Variants in ANXA8 observed in about 807,000 individuals in gnomAD.
The protein encoded by ANXA8 is annexin A8, also known as VAC-beta.
ANXA8 carries 9 observed loss-of-function variants against 26.8 expected under a neutral mutation model. That is an observed-to-expected ratio of 0.34 (90% CI 0.20 to 0.59). The LOEUF (loss-of-function observed/expected upper bound fraction) is 0.59. Among genes scored for constraint, ANXA8 ranks in the 20% least tolerant of loss-of-function variants. The probability of loss-of-function intolerance (pLI) is 0.84; values close to 1 mark genes in which losing one functional copy is unlikely to be tolerated. For missense variants in ANXA8, 83 were observed against 238.5 expected (o/e 0.35, Z 4.29); for synonymous variants, 39 against 94.8 (o/e 0.41, Z 3.42).
At chr10:47,954,100 T>C in the ANXA8 span, among the ~76,000 whole-genome samples, 1 of 150,924 alleles carries the variant, frequency 6.6e-6, no homozygotes, top group Non-Finnish European at 1.5e-5. Flanking sequence ...TCCATGTTTA[T>C]TGCAACACTA....
the ANXA8 span, among the ~76,000 whole-genome samples, chr10:47,562,868 A>C: frequency 6.6e-6 from 1 of 150,960 alleles, no homozygotes; most frequent in Non-Finnish European, 1.5e-5. Flanking sequence ...TGAAGCCAAA[A>C]CCTCAGTTTA....
the ANXA8 span, among the ~76,000 whole-genome samples, chr10:47,703,159 C>G: frequency 6.6e-6 from 1 of 151,644 alleles, no homozygotes; most frequent in Non-Finnish European, 1.5e-5. Context: ...AAAATCTTTA[C>G]AAATCCTTAC....
the ANXA8 span, among the ~76,000 whole-genome samples, chr10:47,614,554 C>G: frequency 1.5e-5 from 1 of 64,758 alleles, no homozygotes; most frequent in Non-Finnish European, 3.9e-5. Context: ...TATGGATTAT[C>G]TAGTATACTC....
the ANXA8 span, among the ~76,000 whole-genome samples, chr10:47,560,452 T>C: frequency 6.6e-6 from 1 of 151,668 alleles, no homozygotes; most frequent in Admixed American, 6.6e-5. Context: ...TGAATTTATG[T>C]AGAAGTAATG....
chr10:47,991,557 G>A, the ANXA8 span: 2 of 1,594,006 alleles, frequency 1.3e-6, no homozygotes, highest in South Asian at 2.2e-5. Context: ...CTTGGCCCAG[G>A]AGGCAGCCAA....
At chr10:47,527,939 G>C in the ANXA8 span, among the ~76,000 whole-genome samples, 1 of 149,218 alleles carries the variant, frequency 6.7e-6, no homozygotes. Flanking sequence ...AGGCACAGGT[G>C]CGTGCAATCC....
the ANXA8 span, among the ~76,000 whole-genome samples, chr10:47,500,783 G>C: frequency 8.4e-6 from 1 of 119,238 alleles, no homozygotes; most frequent in Non-Finnish European, 1.7e-5. Context: ...GCCCAGGCCA[G>C]AGTGCAGTGG....
chr10:47,485,142 C>T (rs1840010638), upstream of ANXA8, among the ~76,000 whole-genome samples: 1 of 152,016 alleles, frequency 6.6e-6, no homozygotes, highest in Non-Finnish European at 1.5e-5. Flanking sequence ...CAGATGTCAC[C>T]TCCATATTGT....
chr10:47,559,566 G>A, the ANXA8 span, among the ~76,000 whole-genome samples: 1 of 151,958 alleles, frequency 6.6e-6, no homozygotes, highest in East Asian at 1.9e-4. Context: ...GGTACATTGT[G>A]TCTTATTGGA....
the ANXA8 span, among the ~76,000 whole-genome samples, chr10:47,954,698 A>G: frequency 1.3e-5 from 2 of 148,664 alleles, no homozygotes; most frequent in South Asian, 2.1e-4. Context: ...ACCCATAAAA[A>G]TAAAAAAAAA....
chr10:47,639,316 T>TATTATTATTA, the ANXA8 span, among the ~76,000 whole-genome samples: 4 of 88,138 alleles, frequency 4.5e-5, no homozygotes, highest in Non-Finnish European at 6.8e-5. Context: ...TTATTATTAT[T>TATTATTATTA]TTTTTTTTTT....
the ANXA8 span, among the ~76,000 whole-genome samples, chr10:47,521,818 T>C: frequency 6.6e-6 from 1 of 151,196 alleles, no homozygotes; most frequent in Non-Finnish European, 1.5e-5. Flanking sequence ...TCTCGCTCTG[T>C]CACCCAGCCT....
the ANXA8 span, among the ~76,000 whole-genome samples, chr10:47,941,986 G>GCTA: frequency 6.8e-6 from 1 of 147,608 alleles, no homozygotes; most frequent in Non-Finnish European, 1.5e-5. Flanking sequence ...GACAAGACAG[G>GCTA]CTACTTTTTA....
the ANXA8 span, among the ~76,000 whole-genome samples, chr10:47,957,564 AAAG>A: frequency 6.7e-6 from 1 of 149,974 alleles, no homozygotes; most frequent in Admixed American, 6.6e-5. Context: ...TTTGACAGTG[AAAG>A]AAGATTTGTA....
the ANXA8 span, among the ~76,000 whole-genome samples, chr10:47,506,433 T>G: frequency 1.5e-5 from 2 of 130,086 alleles, 1 homozygote; most frequent in Admixed American, 1.6e-4. Context: ...CAGGCTCAAG[T>G]GATTCTCCTG....
At chr10:47,605,750 T>C in the ANXA8 span, among the ~76,000 whole-genome samples, 5 of 149,854 alleles carry the variant, frequency 3.3e-5, no homozygotes, top group Non-Finnish European at 7.4e-5. Context: ...GTTTACCAAG[T>C]AAAGAGAAAA....
Position 47,484,005 on chromosome 10 carries a change from C to G in ANXA8, c.-72G>C, listed in dbSNP as rs1421605027. On this transcript the variant is annotated 5_prime_UTR_variant, in exon 1 of 12. Coordinates refer to ENST00000585281, the MANE Select transcript of ANXA8 (RefSeq NM_001040084.3). ...GGTTGGCCTCTGCTGGGACTCCACA[C>G]GTCTGGCTCCTGCAGCTGAGGAGTG... 4.7e-6 allele frequency: 7 copies of G among 1,504,876 alleles called. No individual in the cohort carries two copies. Among genetic ancestry groups the G allele is most frequent in the African/African-American group, 2.7e-5 (2 of 74,138 alleles). The allele number at this position is 1,504,876 out of a possible 1,614,324, so 93.2% of individuals were successfully genotyped here. A position where few individuals can be genotyped will look rare whatever the true frequency, so the allele number is the denominator to read the frequency against.
At chr10:47,743,353 TACAC>T in the ANXA8 span, among the ~76,000 whole-genome samples, 1 of 39,084 alleles carries the variant, frequency 2.6e-5, no homozygotes, top group Non-Finnish European at 5.8e-5. Flanking sequence ...TATATATATA[TACAC>T]ATATATATAT....
chr10:47,501,445 C>T, the ANXA8 span, among the ~76,000 whole-genome samples: 12 of 139,036 alleles, frequency 8.6e-5, 2 homozygotes, highest in African/African-American at 2.6e-4. Context: ...TACGGTGGCT[C>T]ACCCCCATAA....
Sources: gnomAD v4.1 joint callset for allele counts (sites outside exome capture counted in the v4.1 genomes callset) on GRCh38, gnomAD v4.1.1 for gene constraint, MANE v1.5 for transcripts, NCBI Gene and HGNC (gene_info 2026-07-23, HGNC 2026-07-21) for gene names.